Variants in MAN1A2 observed in about 807,000 individuals in gnomAD.
MAN1A2 encodes the protein mannosyl-oligosaccharide 1,2-alpha-mannosidase IB.
A neutral mutation model predicts 75.7 loss-of-function variants in MAN1A2; 26 were observed. That is an observed-to-expected ratio of 0.34 (90% CI 0.25 to 0.48). The LOEUF (loss-of-function observed/expected upper bound fraction) is 0.48. Among genes scored for constraint, MAN1A2 ranks in the 20% least tolerant of loss-of-function variants. The pLI is 0.99. For missense variants in MAN1A2, 562 were observed against 775.5 expected (o/e 0.72, Z 3.27); for synonymous variants, 247 against 264.6 (o/e 0.93, Z 0.65).
chr1:117,513,148 T>C (rs1651599512), intron 12 of MAN1A2, among the ~76,000 whole-genome samples: 1 of 152,100 alleles, frequency 6.6e-6, no homozygotes, highest in Admixed American at 6.6e-5. Flanking sequence ...TTTCTGTCAC[T>C]ATAGGTTGCT....
At chr1:117,434,788 TG>T (rs1648797568) in intron 5 of MAN1A2, among the ~76,000 whole-genome samples, 2 of 148,666 alleles carry the variant, frequency 1.3e-5, no homozygotes, top group Non-Finnish European at 3.0e-5. Context: ...TGTGTGTGTG[TG>T]TGTGTGTATC....
At chr1:117,468,738 T>G (rs1255709326) in intron 8 of MAN1A2, among the ~76,000 whole-genome samples, 1 of 152,182 alleles carries the variant, frequency 6.6e-6, no homozygotes, top group Admixed American at 6.5e-5. Context: ...TAGTATACTA[T>G]GCAGCCATTA....
chr1:117,433,787 A>T (rs1221684608), intron 5 of MAN1A2, among the ~76,000 whole-genome samples: 9 of 152,288 alleles, frequency 5.9e-5, no homozygotes, highest in African/African-American at 2.2e-4. Context: ...GTCCTTAAAA[A>T]TTTTTGGAAA....
intron 8 of MAN1A2, among the ~76,000 whole-genome samples, chr1:117,490,217 A>G (rs1650836476): frequency 6.6e-6 from 1 of 151,942 alleles, no homozygotes; most frequent in African/African-American, 2.4e-5. Context: ...TGTGTTTGCA[A>G]ATTGCAGATT....
intron 6 of MAN1A2, among the ~76,000 whole-genome samples, chr1:117,458,585 G>A (rs529454108): frequency 9.1e-4 from 131 of 144,610 alleles, no homozygotes; most frequent in Non-Finnish European, 1.6e-3. Context: ...ATGCAATGGC[G>A]CAATCTTGGC....
At chr1:117,469,529 A>G (rs1343382232) in intron 8 of MAN1A2, among the ~76,000 whole-genome samples, 1 of 151,118 alleles carries the variant, frequency 6.6e-6, no homozygotes, top group Non-Finnish European at 1.5e-5. Flanking sequence ...AAGACGACCC[A>G]CAGAATGAGA....
intron 6 of MAN1A2, among the ~76,000 whole-genome samples, chr1:117,453,995 G>A (rs917490748): frequency 5.9e-5 from 9 of 152,160 alleles, no homozygotes; most frequent in African/African-American, 2.2e-4. Flanking sequence ...AGTATGACTT[G>A]CTGAAAGTCT....
rs903951827 is a variant in MAN1A2, at chr1:117,526,678, G to A, written c.*3721G>A. 1 of 151,126 alleles carries A rather than the reference G, an allele frequency of 6.6e-6. No homozygotes were observed. Among genetic ancestry groups the A allele is most frequent in the Non-Finnish European group, 1.5e-5 (1 of 67,568 alleles). The allele number at this position is 151,126 out of a possible 1,614,324, so 9.4% of individuals were successfully genotyped here. On this transcript the variant is annotated 3_prime_UTR_variant, in exon 13 of 13. Transcript: ENST00000356554. ...TGGGTAAAACTTGCAGTTGTAAATT[G>A]TGTCTGCTCTGGTATGGGCCCTATT...
chr1:117,441,134 C>G (rs1364598039), intron 5 of MAN1A2, among the ~76,000 whole-genome samples: 1 of 152,102 alleles, frequency 6.6e-6, no homozygotes, highest in African/African-American at 2.4e-5. Context: ...TTTGGAACAT[C>G]TTAATGAGGG....
At chr1:117,429,953 T>TC (rs1281974019) in intron 5 of MAN1A2, among the ~76,000 whole-genome samples, 8 of 44,480 alleles carry the variant, frequency 1.8e-4, no homozygotes, top group Non-Finnish European at 3.2e-4. Context: ...GCCCCTCACC[T>TC]CCAGACGGGG....
intron 2 of MAN1A2, among the ~76,000 whole-genome samples, chr1:117,403,847 A>G (rs1332673558): frequency 6.6e-6 from 1 of 152,116 alleles, no homozygotes; most frequent in Non-Finnish European, 1.5e-5. Context: ...GTTTGTTCCC[A>G]ACTTTAGGGG....
intron 12 of MAN1A2, among the ~76,000 whole-genome samples, chr1:117,517,080 C>T (rs931196204): frequency 6.6e-6 from 1 of 152,152 alleles, no homozygotes; most frequent in Admixed American, 6.6e-5. Context: ...AGTGAGTACT[C>T]AGGAAGGTCC....
chr1:117,511,525 A>G (rs963627514), intron 12 of MAN1A2, among the ~76,000 whole-genome samples: 2 of 151,942 alleles, frequency 1.3e-5, no homozygotes, highest in African/African-American at 4.8e-5. Context: ...TAAGCCTCAT[A>G]GCCGTAGGGA....
chr1:117,507,052 G>C (rs138904228), intron 12 of MAN1A2, among the ~76,000 whole-genome samples: 9 of 151,600 alleles, frequency 5.9e-5, no homozygotes, highest in Admixed American at 1.3e-4. Context: ...ATTTGTGTAT[G>C]TGTGTTATAC....
At chr1:117,481,425 A>C (rs1485751949) in intron 8 of MAN1A2, among the ~76,000 whole-genome samples, 2 of 151,942 alleles carry the variant, frequency 1.3e-5, no homozygotes, top group South Asian at 2.1e-4. Context: ...AAATAATTTG[A>C]CCCTCTTACT....
intron 1 of MAN1A2, among the ~76,000 whole-genome samples, chr1:117,381,937 T>G (rs1570696846): frequency 6.6e-6 from 1 of 151,834 alleles, no homozygotes; most frequent in African/African-American, 2.4e-5. Flanking sequence ...TGATGGCCAG[T>G]GATGATGAGC....
chr1:117,504,812 G>A (rs1360839719), intron 12 of MAN1A2, among the ~76,000 whole-genome samples: 1 of 151,244 alleles, frequency 6.6e-6, no homozygotes. Context: ...TTTGAGGAAT[G>A]TTCCCCATTT....
At chr1:117,442,105 T>C in intron 5 of MAN1A2, 126 bp from the exon 6 acceptor site, 1 of 541,596 alleles carries the variant, frequency 1.8e-6, no homozygotes, top group South Asian at 3.2e-5. Flanking sequence ...ACCAATGAGA[T>C]GCTTTTTCCT....
intron 5 of MAN1A2, among the ~76,000 whole-genome samples, chr1:117,429,535 A>AC (rs1244221157): frequency 0.03 from 1,257 of 42,022 alleles, 40 homozygotes; most frequent in Middle Eastern, 0.065. Flanking sequence ...CGGGGGGCCG[A>AC]CCCCCCCACC....
Sources: gnomAD v4.1 joint callset for allele counts (sites outside exome capture counted in the v4.1 genomes callset) on GRCh38, gnomAD v4.1.1 for gene constraint, MANE v1.5 for transcripts, NCBI Gene and HGNC (gene_info 2026-07-23, HGNC 2026-07-21) for gene names.